The following RBFOX1 variants were observed in gnomAD, a reference collection of about 807,000 sequenced individuals.
RBFOX1 encodes RNA binding fox-1 homolog 1, also known as RNA binding protein fox-1 homolog 1.
In RBFOX1, 8 loss-of-function variants were observed where a neutral mutation model predicts 57.7. The observed-to-expected ratio is 0.14, with a 90% CI of 0.08 to 0.25. The LOEUF (loss-of-function observed/expected upper bound fraction) is 0.25. Among genes scored for constraint, RBFOX1 ranks in the 10% least tolerant of loss-of-function variants. The pLI, the probability that RBFOX1 is intolerant of heterozygous loss-of-function variation, is 1.00. For missense variants in RBFOX1, 611 were observed against 548.5 expected, an observed-to-expected ratio of 1.11 and a Z score of -1.14; for synonymous variants, 326 against 222.4, an observed-to-expected ratio of 1.47 and a Z score of -4.15.
intron 4 of RBFOX1, among the ~76,000 whole-genome samples, chr16:7,444,064 A>T (rs139386838): frequency 7.2e-5 from 11 of 152,222 alleles, no homozygotes; most frequent in African/African-American, 2.4e-4. Context: ...ATATACATGG[A>T]AGTTAAACAA....
chr16:5,606,797 T>G (rs1057076924), intron 3 of RBFOX1, among the ~76,000 whole-genome samples: 2 of 151,990 alleles, frequency 1.3e-5, no homozygotes, highest in African/African-American at 4.8e-5. Context: ...TAACACTGAT[T>G]GCAGGAGATG....
chr16:6,148,894 C>G (rs1159741089), intron 1 of RBFOX1, among the ~76,000 whole-genome samples: 1 of 152,108 alleles, frequency 6.6e-6, no homozygotes, highest in Non-Finnish European at 1.5e-5. Context: ...CCACCCCCCT[C>G]CCTGCCACGT....
chr16:6,763,555 G>A (rs1239804411), intron 3 of RBFOX1, among the ~76,000 whole-genome samples: 1 of 152,162 alleles, frequency 6.6e-6, no homozygotes, highest in African/African-American at 2.4e-5. Context: ...AGTTTTGCTT[G>A]GGGTTATTTC....
intron 4 of RBFOX1, among the ~76,000 whole-genome samples, chr16:7,115,184 A>AT (rs374087037): frequency 2.0e-5 from 3 of 152,072 alleles, no homozygotes; most frequent in African/African-American, 4.8e-5. Flanking sequence ...GAAACCTGGT[A>AT]TTTTTTTAAT....
chr16:6,491,399 C>G (rs998282776), intron 2 of RBFOX1, among the ~76,000 whole-genome samples: 6 of 152,084 alleles, frequency 3.9e-5, no homozygotes, highest in African/African-American at 1.4e-4. Context: ...GTACCCAACA[C>G]TCAGTGAATT....
chr16:7,485,386 G>T (rs945914502), intron 4 of RBFOX1, among the ~76,000 whole-genome samples: 1 of 152,164 alleles, frequency 6.6e-6, no homozygotes, highest in Non-Finnish European at 1.5e-5. Flanking sequence ...AGTTTACCTT[G>T]TACTTTTATT....
intron 2 of RBFOX1, among the ~76,000 whole-genome samples, chr16:6,441,307 G>A (rs1417739029): frequency 6.6e-6 from 1 of 152,180 alleles, no homozygotes; most frequent in Non-Finnish European, 1.5e-5. Context: ...CTAAGGGAAC[G>A]AGCTCTCTCC....
chr16:7,077,450 A>G lies in RBFOX1; in HGVS notation c.27+25352A>G, dbSNP rs73538796. Among the ~76,000 whole-genome samples, 1,090 of 152,320 alleles carry G rather than the reference A, an allele frequency of 7.2e-3. 14 individuals are homozygous for G. Among genetic ancestry groups the G allele is most frequent in the East Asian group, 0.025 (128 of 5,182 alleles). ...ATTAGCATCAAAAGCACAGAGTCTC[A>G]AAGACGAACTAATCTGTGAATAACT... On this transcript the variant is annotated intron_variant, in intron 4 of 15. Coordinates refer to ENST00000550418, the MANE Select transcript of RBFOX1 (RefSeq NM_018723.4).
At chr16:7,548,551 T>G (rs796276269) in intron 5 of RBFOX1, among the ~76,000 whole-genome samples, 7 of 152,370 alleles carry the variant, frequency 4.6e-5, no homozygotes, top group African/African-American at 1.7e-4. Context: ...GAACTCATCC[T>G]AGTCTAGAGC....
intron 2 of RBFOX1, among the ~76,000 whole-genome samples, chr16:6,648,645 T>G (rs1272130562): frequency 6.6e-6 from 1 of 152,078 alleles, no homozygotes; most frequent in Non-Finnish European, 1.5e-5. Flanking sequence ...CCTTTGAATT[T>G]TGGATTCAGT....
chr16:7,170,296 G>A (rs1047422250), intron 4 of RBFOX1, among the ~76,000 whole-genome samples: 4 of 152,040 alleles, frequency 2.6e-5, no homozygotes, highest in Non-Finnish European at 4.4e-5. Flanking sequence ...TTTTAGAGAT[G>A]GTGTCTTGCT....
chr16:7,041,410 C>A (rs926725144), intron 3 of RBFOX1, among the ~76,000 whole-genome samples: 22 of 152,188 alleles, frequency 1.4e-4, no homozygotes, highest in African/African-American at 4.1e-4. Flanking sequence ...TTTTCAATTC[C>A]TAATGTAGAT....
chr16:5,462,200 G>T (rs556142968), intron 1 of RBFOX1, among the ~76,000 whole-genome samples: 1 of 129,058 alleles, frequency 7.7e-6, no homozygotes. Context: ...ATGGAGTCTC[G>T]CTCTGTCACC....
intron 4 of RBFOX1, among the ~76,000 whole-genome samples, chr16:7,300,192 C>G (rs1193936490): frequency 2.0e-5 from 3 of 152,132 alleles, no homozygotes; most frequent in African/African-American, 4.8e-5. Context: ...CTTATTTCTT[C>G]TCTGTATTAC....
intron 3 of RBFOX1, among the ~76,000 whole-genome samples, chr16:5,672,528 A>G (rs1456688224): frequency 1.3e-5 from 2 of 152,158 alleles, no homozygotes; most frequent in African/African-American, 4.8e-5. Context: ...CAAGGACCCA[A>G]CTGTGGAAAC....
intron 15 of RBFOX1, chr16:7,709,502 T>C (rs994206595): frequency 1.3e-6 from 2 of 1,515,838 alleles, no homozygotes; most frequent in East Asian, 2.5e-5. Flanking sequence ...AGCCCCAAGG[T>C]TCCAGCCCCA....
At chr16:5,719,616 A>T (rs1212242442) in intron 3 of RBFOX1, among the ~76,000 whole-genome samples, 1 of 152,014 alleles carries the variant, frequency 6.6e-6, no homozygotes, top group African/African-American at 2.4e-5. Context: ...TTCTGTCTCT[A>T]TGGACTTGCC....
intron 3 of RBFOX1, among the ~76,000 whole-genome samples, chr16:6,731,601 C>G (rs1458712669): frequency 2.0e-5 from 3 of 152,070 alleles, no homozygotes; most frequent in Non-Finnish European, 2.9e-5. Flanking sequence ...GGGAATAGCC[C>G]TTAACTAATG....
At chr16:7,116,608 C>A (rs2065956480) in intron 4 of RBFOX1, among the ~76,000 whole-genome samples, 1 of 152,084 alleles carries the variant, frequency 6.6e-6, no homozygotes, top group African/African-American at 2.4e-5. Flanking sequence ...AAAACAAAGC[C>A]CACAGCAGCT....
Sources: allele counts gnomAD v4.1 joint callset (sites outside exome capture counted in the v4.1 genomes callset), GRCh38; gene constraint gnomAD v4.1.1; transcripts MANE v1.5; gene names NCBI Gene and HGNC (gene_info 2026-07-23, HGNC 2026-07-21).